KLHL30: variants seen among roughly 807,000 people sequenced by gnomAD.
The protein encoded by KLHL30 is kelch like family member 30.
A neutral mutation model predicts 55.0 loss-of-function variants in KLHL30; 55 were observed. The ratio of observed to expected loss-of-function variants is 1.00; its 90% CI spans 0.80 to 1.25. The LOEUF is 1.25. KLHL30 is among the 50% of genes most tolerant of loss of function. KLHL30 has a pLI of 0.00. For missense variants in KLHL30, 786 were observed against 811.6 expected (o/e 0.97, Z 0.38); for synonymous variants, 356 against 372.6 (o/e 0.96, Z 0.51).
intron 1 of KLHL30, among the ~76,000 whole-genome samples, chr2:238,139,489 C>T (rs1198613332): frequency 2.6e-5 from 4 of 152,110 alleles, no homozygotes; most frequent in Admixed American, 2.0e-4. Flanking sequence ...GCCCTGTGCG[C>T]GAGCCCGGGT....
rs2106309328 is a variant in KLHL30 at position 238,138,771 on chromosome 2, G to C, written c.-71+13G>C. On this transcript the variant is annotated intron_variant, in intron 1 of 7. Coordinates refer to ENST00000409223, the MANE Select transcript of KLHL30 (RefSeq NM_198582.4). Reference sequence around the variant, plus strand: ...GGCTGAGTGAGAGGTAGGATCCAGGGGGCTCTGGGGCAGGGGACAGCAGAG... The same window carrying C: ...GGCTGAGTGAGAGGTAGGATCCAGGCGGCTCTGGGGCAGGGGACAGCAGAG... 6.5e-6 allele frequency: 1 copy of C among 153,032 alleles called. No homozygotes were observed. Among genetic ancestry groups the C allele is most frequent in the East Asian group, 1.9e-4 (1 of 5,210 alleles). The allele number at this position is 153,032 out of a possible 1,614,324, so 9.5% of individuals were successfully genotyped here.
chr2:238,146,526 C>T (rs1692651183), intron 5 of KLHL30, among the ~76,000 whole-genome samples: 1 of 151,156 alleles, frequency 6.6e-6, no homozygotes, highest in South Asian at 2.1e-4. Context: ...CCCACCTCAG[C>T]CTCCTGAGTA....
chr2:238,142,972 C>T (rs766437614), intron 3 of KLHL30, 41 bp downstream of exon 3: 22 of 1,493,642 alleles, frequency 1.5e-5, no homozygotes, highest in Non-Finnish European at 1.1e-5. Context: ...TGCTGTCTCT[C>T]TGTCCCAGCG....
At chr2:238,148,927 G>C in intron 6 of KLHL30, 80 bp from the exon 7 acceptor site, 1 of 1,408,372 alleles carries the variant, frequency 7.1e-7, no homozygotes, top group South Asian at 1.3e-5. Flanking sequence ...CTGAGTCCAG[G>C]GTCCCTCAGA....
chr2:238,143,320 G>C lies in KLHL30; in HGVS notation c.907+389G>C, dbSNP rs577453679. On this transcript the variant is annotated intron_variant, in intron 3 of 7. Coordinates refer to ENST00000409223, the MANE Select transcript of KLHL30 (RefSeq NM_198582.4). ...GGAATCGAGACCCCAAGGGGAGAGTGGGGTGGGGGGTGAAGGGGTGCAGGC... is the reference window on the plus strand; with the variant it reads ...GGAATCGAGACCCCAAGGGGAGAGTCGGGTGGGGGGTGAAGGGGTGCAGGC... Among the ~76,000 whole-genome samples, 4 of 152,350 alleles carry C rather than the reference G, an allele frequency of 2.6e-5. No individual in the cohort carries two copies. The East Asian group carries it at 7.7e-4, about 29-fold the overall frequency.
At chr2:238,150,295 C>G (rs10205834) in intron 7 of KLHL30, among the ~76,000 whole-genome samples, 58,511 of 152,052 alleles carry the variant, frequency 0.38, 11,326 homozygotes, top group East Asian at 0.45. Context: ...CCCACCCGCC[C>G]GGGCTCTTCC....
rs1692637665 is a variant in KLHL30 at position 238,145,808 on chromosome 2, A to G, written c.1126A>G (p.Asn376Asp). ...CACCAACCACGCCAGCGCGGCCCTCAATGGGGAGATCTACGTTATCGGCGG... is the reference window on the plus strand; with the variant it reads ...CACCAACCACGCCAGCGCGGCCCTCGATGGGGAGATCTACGTTATCGGCGG... ...PRTNHASAAL[N>D]GEIYVIGGTT... Residue 376 changes from asparagine to aspartate, a missense_variant, in exon 5 of 8, where the codon AAT becomes GAT. Transcript: ENST00000409223. The G allele has an allele frequency of 1.2e-6, 2 of 1,606,890 alleles. No individual in the cohort carries two copies. The highest frequency in any genetic ancestry group is 2.7e-5 in the African/African-American group (2 of 74,896).
chr2:238,141,892 G>C (rs1692548204), intron 2 of KLHL30, among the ~76,000 whole-genome samples: 1 of 152,216 alleles, frequency 6.6e-6, no homozygotes, highest in Non-Finnish European at 1.5e-5. Flanking sequence ...GTCAAGGAGG[G>C]CTCTCTGGAG....
In KLHL30 at chr2:238,147,788, C is replaced by T; in HGVS notation, c.1151-46C>T. 7.8e-7 allele frequency: 1 copy of T among 1,284,864 alleles called. No homozygotes were observed. Among genetic ancestry groups the T allele is most frequent in the Non-Finnish European group, 1.0e-6 (1 of 977,174 alleles). 79.6% of individuals were successfully genotyped at this position (1,284,864 alleles called of 1,614,324 possible). On this transcript the variant is annotated intron_variant, in intron 5 of 7. Coordinates refer to ENST00000409223, the MANE Select transcript of KLHL30 (RefSeq NM_198582.4). The surrounding 1 kb of genome is among the most constrained non-coding windows in gnomAD (Gnocchi z 5.8). ...CCCCAGCCCCTGAGTTTCCAGGCCTCCCCTCTCCTCCCCAGCCCTGAACTG... is the reference window on the plus strand; with the variant it reads ...CCCCAGCCCCTGAGTTTCCAGGCCTTCCCTCTCCTCCCCAGCCCTGAACTG...
chr2:238,145,911 A>G, intron 5 of KLHL30, 79 bp downstream of exon 5: 2 of 1,432,230 alleles, frequency 1.4e-6, no homozygotes, highest in Admixed American at 2.5e-5. Flanking sequence ...CGAGAGCCCC[A>G]TGCTGGCCTC....
rs1692677402 is a variant in KLHL30 at position 238,147,947 on chromosome 2, G to A, written c.1264G>A (p.Gly422Ser). ...VSNFSAAGCR[G>S]RLYLVGSSAC... ...CAACTTCTCGGCTGCCGGCTGCCGG[G>A]GCCGGCTCTACCTGGTGGGCTCCAG... is the stretch of plus-strand genomic sequence containing the variant. The change falls in exon 6 of 8, where the codon GGC becomes AGC. Residue 422 changes from glycine to serine, a missense_variant. Coordinates refer to ENST00000409223, the MANE Select transcript of KLHL30 (RefSeq NM_198582.4). The surrounding 1 kb of genome is among the most constrained non-coding windows in gnomAD (Gnocchi z 5.8). 1.9e-6 allele frequency: 3 copies of A among 1,586,210 alleles called. No individual in the cohort carries two copies. Among genetic ancestry groups the A allele is most frequent in the East Asian group, 4.7e-5 (2 of 42,974 alleles).
At chr2:238,149,730 G>C (rs1240426930) in intron 7 of KLHL30, among the ~76,000 whole-genome samples, 2 of 152,128 alleles carry the variant, frequency 1.3e-5, no homozygotes, top group African/African-American at 4.8e-5. Flanking sequence ...GGTGAGGTGA[G>C]AGCCACCAGC....
chr2:238,152,297 C>T lies in KLHL30; in HGVS notation c.*1232C>T. The T allele has an allele frequency of 2.3e-6, 2 of 866,414 alleles. No individual in the cohort carries two copies. The highest frequency in any genetic ancestry group is 2.8e-6 in the Non-Finnish European group (2 of 721,434). 53.7% of individuals were successfully genotyped at this position (866,414 alleles called of 1,614,324 possible). On this transcript the variant is annotated 3_prime_UTR_variant, in exon 8 of 8. Transcript: ENST00000409223. ...TCCTTGGGTTCTGAGGACGGAAACCCCTGAGCCTCTTGAGCTTCTGTAGGT... is the reference window on the plus strand; with the variant it reads ...TCCTTGGGTTCTGAGGACGGAAACCTCTGAGCCTCTTGAGCTTCTGTAGGT...
Position 238,143,810 on chromosome 2 carries a change from G to T in KLHL30, c.907+879G>T, listed in dbSNP as rs1692584304. Among the ~76,000 whole-genome samples, 7 of 152,364 alleles carry T rather than the reference G, an allele frequency of 4.6e-5. No homozygotes were observed. The South Asian group carries it at 1.4e-3, about 32-fold the overall frequency. ...GGGACGCTGGCAGGAAGAGCCTGTT[G>T]ACGGCTGGGCAACCCCCACCCTGGG... is the stretch of plus-strand genomic sequence containing the variant. On this transcript the variant is annotated intron_variant, in intron 3 of 7. Transcript: ENST00000409223.
intron 1 of KLHL30, among the ~76,000 whole-genome samples, chr2:238,139,066 C>T (rs537935658): frequency 1.1e-4 from 17 of 152,326 alleles, no homozygotes; most frequent in African/African-American, 4.1e-4. Flanking sequence ...TTGTCCTGCC[C>T]ACTCGGCTTC....
chr2:238,148,960 G>T (rs181829799), intron 6 of KLHL30, 47 bp from the exon 7 acceptor site: 5 of 1,548,018 alleles, frequency 3.2e-6, no homozygotes, highest in Non-Finnish European at 4.4e-6. Flanking sequence ...GCTAGTGCCC[G>T]CTCTGGCAAC....
chr2:238,145,855 T>TC, intron 5 of KLHL30, 23 bp downstream of exon 5: 1 of 1,572,750 alleles, frequency 6.4e-7, no homozygotes, highest in Non-Finnish European at 8.6e-7. Flanking sequence ...TCTCCACCCT[T>TC]CCCTGGGGCC....
rs372812743 is a variant in KLHL30 at position 238,140,953 on chromosome 2, G to A, written c.199G>A (p.Ala67Thr). 29 of 1,611,832 alleles carry A rather than the reference G, an allele frequency of 1.8e-5. No individual in the cohort carries two copies. The highest frequency in any genetic ancestry group is 3.3e-5 in the Admixed American group (2 of 59,998). The change falls in exon 2 of 8, where the codon GCC becomes ACC. Residue 67 changes from alanine to threonine, a missense_variant. Transcript: ENST00000409223. ...YFHAMFAGDF[A>T]ESFSARVELR... ...CCATGCCATGTTTGCGGGTGACTTCGCCGAGAGCTTCTCTGCGCGCGTGGA... is the reference window on the plus strand; with the variant it reads ...CCATGCCATGTTTGCGGGTGACTTCACCGAGAGCTTCTCTGCGCGCGTGGA...
chr2:238,149,282 T>G (rs1574760944), intron 7 of KLHL30, 130 bp downstream of exon 7: 1 of 1,275,936 alleles, frequency 7.8e-7, no homozygotes, highest in Non-Finnish European at 1.1e-6. Flanking sequence ...CAGGCTGGGG[T>G]GCCCACAGAG....
Sources: allele counts gnomAD v4.1 joint callset (sites outside exome capture counted in the v4.1 genomes callset), GRCh38; gene constraint gnomAD v4.1.1; non-coding constraint Gnocchi (gnomAD v3.1); transcripts MANE v1.5; gene names NCBI Gene and HGNC (gene_info 2026-07-23, HGNC 2026-07-21).